Variants in MICU3 observed in about 807,000 individuals in gnomAD.
MICU3 encodes calcium uptake protein 3, mitochondrial.
MICU3 carries 62 observed loss-of-function variants against 66.5 expected under a neutral mutation model. That is an observed-to-expected ratio of 0.93 (90% confidence interval 0.76 to 1.15). The LOEUF is 1.15. Ranked by LOEUF, MICU3 falls within the 50% of genes most tolerant of loss-of-function variation. MICU3 has a pLI of 0.00. For synonymous variants in MICU3, 308 were observed against 240.7 expected, an observed-to-expected ratio of 1.28 and a Z score of -2.59; for missense variants, 779 against 664.4, an observed-to-expected ratio of 1.17 and a Z score of -1.90.
At chr8:17,031,262 T>TTTTTTTTTATTATTATTATTATTATTA (rs111800861) in intron 1 of MICU3, among the ~76,000 whole-genome samples, 3 of 139,194 alleles carry the variant, frequency 2.2e-5, no homozygotes, top group African/African-American at 8.1e-5. Flanking sequence ...TGCCACTTCA[T>TTTTTTTTTATTATTATTATTATTATTA]TTATTATTAT....
chr8:17,054,129 A>G (rs935869118), intron 1 of MICU3, among the ~76,000 whole-genome samples: 1 of 152,238 alleles, frequency 6.6e-6, no homozygotes, highest in African/African-American at 2.4e-5. Flanking sequence ...ATGATACCTT[A>G]CCTTGAACTT....
intron 5 of MICU3, 109 bp downstream of exon 5, chr8:17,081,849 TC>T (rs2150725274): frequency 1.7e-6 from 1 of 595,890 alleles, no homozygotes; most frequent in African/African-American, 1.9e-5. Flanking sequence ...TCCATGCTGT[TC>T]TGCAAAATTC....
At chr8:17,095,573 T>A (rs1800587001) in intron 8 of MICU3, among the ~76,000 whole-genome samples, 1 of 151,962 alleles carries the variant, frequency 6.6e-6, no homozygotes, top group Admixed American at 6.6e-5. Flanking sequence ...CTAGTTTGTT[T>A]AATCTCTGAA....
intron 1 of MICU3, among the ~76,000 whole-genome samples, chr8:17,053,445 A>G (rs1385618815): frequency 2.6e-5 from 4 of 152,308 alleles, no homozygotes; most frequent in East Asian, 3.9e-4. Context: ...TATAGGAAGG[A>G]TAATGATGTA....
intron 2 of MICU3, among the ~76,000 whole-genome samples, chr8:17,065,054 T>A (rs1358656835): frequency 6.6e-6 from 1 of 152,160 alleles, no homozygotes; most frequent in East Asian, 1.9e-4. Context: ...TCATGTCTAT[T>A]TGAGATACCT....
intron 11 of MICU3, among the ~76,000 whole-genome samples, chr8:17,111,338 C>T (rs1453429769): frequency 6.6e-6 from 1 of 151,162 alleles, no homozygotes; most frequent in Non-Finnish European, 1.5e-5. Flanking sequence ...TAATTTTTTT[C>T]TACAGACAGG....
rs868818122 is a variant in MICU3, at chr8:17,066,517, C to A, written c.535+2280C>A. Among the ~76,000 whole-genome samples, 569 of 104,968 alleles carry A rather than the reference C, an allele frequency of 5.4e-3. 4 individuals are homozygous for A. Among genetic ancestry groups the A allele is most frequent in the African/African-American group, 0.02 (480 of 24,490 alleles). The allele number at this position is 104,968 out of a possible 152,430, so 68.9% of individuals were successfully genotyped here. On this transcript the variant is annotated intron_variant, in intron 2 of 14. Coordinates refer to ENST00000318063, the MANE Select transcript of MICU3 (RefSeq NM_181723.3). ...TATTCTTTAAGTGATTGTTAATAAT[C>A]TATATATATATATATATATATATAG...
the MICU3 span, chr8:17,131,408 C>G: frequency 6.4e-3 from 1 of 156 alleles, no homozygotes; most frequent in African/African-American, 0.071. Flanking sequence ...GGGGGCCATC[C>G]ACAGAAAAGT....
At chr8:17,043,557 T>C (rs7844720) in intron 1 of MICU3, among the ~76,000 whole-genome samples, 22,554 of 152,176 alleles carry the variant, frequency 0.15, 2,236 homozygotes, top group East Asian at 0.38. Context: ...TCAGTGTGAC[T>C]TAAACATTAC....
chr8:17,035,171 C>T (rs1464712485), intron 1 of MICU3, among the ~76,000 whole-genome samples: 5 of 152,186 alleles, frequency 3.3e-5, no homozygotes, highest in African/African-American at 1.2e-4. Context: ...GAGGCCTTCC[C>T]AGCCTTGTGG....
chr8:17,112,940 A>G (rs1802337885), intron 11 of MICU3, among the ~76,000 whole-genome samples: 1 of 152,190 alleles, frequency 6.6e-6, no homozygotes, highest in African/African-American at 2.4e-5. Context: ...TTCTACAGAA[A>G]ACATGATGGG....
chr8:17,071,451 G>T (rs1327327280), intron 3 of MICU3, among the ~76,000 whole-genome samples: 1 of 151,930 alleles, frequency 6.6e-6, no homozygotes, highest in African/African-American at 2.4e-5. Flanking sequence ...ATTGGATTAG[G>T]GCTCATCCTG....
intron 14 of MICU3, among the ~76,000 whole-genome samples, chr8:17,119,469 G>T (rs1277115160): frequency 6.6e-6 from 1 of 151,650 alleles, no homozygotes; most frequent in Non-Finnish European, 1.5e-5. Context: ...TTTATTGTTG[G>T]TTTAAAAATG....
chr8:17,129,261 A>T, the MICU3 span, among the ~76,000 whole-genome samples: 1 of 152,198 alleles, frequency 6.6e-6, no homozygotes, highest in African/African-American at 2.4e-5. Context: ...AAAGTAAGCC[A>T]ATATTAGGCT....
intron 7 of MICU3, among the ~76,000 whole-genome samples, chr8:17,088,414 A>C (rs760932589): frequency 6.6e-6 from 1 of 152,010 alleles, no homozygotes; most frequent in Non-Finnish European, 1.5e-5. Flanking sequence ...AAGACTAGAG[A>C]ATTGAATACT....
At chr8:17,078,626 T>C (rs1242759033) in intron 4 of MICU3, among the ~76,000 whole-genome samples, 4 of 152,114 alleles carry the variant, frequency 2.6e-5, no homozygotes, top group African/African-American at 9.7e-5. Context: ...TATTTTCCCT[T>C]TTCATCAATT....
intron 8 of MICU3, among the ~76,000 whole-genome samples, chr8:17,097,268 A>G (rs1006770507): frequency 6.6e-6 from 1 of 151,754 alleles, no homozygotes; most frequent in Admixed American, 6.6e-5. Flanking sequence ...AATGAACTGT[A>G]TTAGTTCTAT....
At chr8:17,044,502 A>C (rs527532087) in intron 1 of MICU3, among the ~76,000 whole-genome samples, 1 of 152,310 alleles carries the variant, frequency 6.6e-6, no homozygotes, top group Admixed American at 6.5e-5. Flanking sequence ...AAAACAAAGC[A>C]CTGAAGACAG....
intron 8 of MICU3, among the ~76,000 whole-genome samples, chr8:17,093,878 A>G (rs536350615): frequency 1.4e-3 from 218 of 152,086 alleles, no homozygotes; most frequent in African/African-American, 4.8e-3. Context: ...TAGTTCAGAA[A>G]TTTTCTATAA....
Sources: gnomAD v4.1 joint callset for allele counts (sites outside exome capture counted in the v4.1 genomes callset) on GRCh38, gnomAD v4.1.1 for gene constraint, MANE v1.5 for transcripts, NCBI Gene and HGNC (gene_info 2026-07-23, HGNC 2026-07-21) for gene names.